The following WDFY3 variants were observed in gnomAD, a reference collection of about 807,000 sequenced individuals.
The protein encoded by WDFY3 is WD repeat and FYVE domain containing 3, also known as WD repeat and FYVE domain-containing protein 3.
Under a neutral mutation model 409.6 loss-of-function variants are expected in WDFY3, and 66 were observed. That is an observed-to-expected ratio of 0.16 (90% CI 0.13 to 0.20). WDFY3 has a LOEUF of 0.20. WDFY3 is among the 10% of genes least tolerant of loss of function. The pLI is 1.00. For synonymous variants in WDFY3, 1,521 were observed against 1,537.1 expected, an observed-to-expected ratio of 0.99 and a Z score of 0.25; for missense variants, 3,031 against 4,298.1, an observed-to-expected ratio of 0.71 and a Z score of 8.24.
At chr4:84,925,640 T>TG (rs1168983577) in intron 2 of WDFY3, among the ~76,000 whole-genome samples, 2 of 152,210 alleles carry the variant, frequency 1.3e-5, no homozygotes, top group African/African-American at 4.8e-5. Context: ...TGAGGACAAC[T>TG]GGAGAATTAA....
At chr4:84,774,749 C>A in intron 29 of WDFY3, 71 bp downstream of exon 29, 1 of 1,466,316 alleles carries the variant, frequency 6.8e-7, no homozygotes, top group Non-Finnish European at 9.2e-7. Flanking sequence ...CAATTAAATT[C>A]ATCTCATCCA....
chr4:84,900,163 A>C (rs952899978), intron 2 of WDFY3, among the ~76,000 whole-genome samples: 8 of 152,222 alleles, frequency 5.3e-5, no homozygotes, highest in Non-Finnish European at 7.4e-5. Context: ...GAAACAACCC[A>C]AATGTCCTTC....
intron 60 of WDFY3, among the ~76,000 whole-genome samples, chr4:84,691,332 C>A (rs1423996450): frequency 6.6e-6 from 1 of 152,072 alleles, no homozygotes; most frequent in East Asian, 1.9e-4. Flanking sequence ...GAGCTCCTTG[C>A]TGGCTAGGAT....
chr4:84,857,514 A>G (rs1437695025), intron 4 of WDFY3, among the ~76,000 whole-genome samples: 1 of 152,184 alleles, frequency 6.6e-6, no homozygotes, highest in East Asian at 1.9e-4. Flanking sequence ...ACTCCTCAGT[A>G]GCCAACAGCA....
In WDFY3 at chr4:84,929,686, G is replaced by C. The variant is rs77053037; in HGVS notation, c.-132+2584C>G. 4.7e-3 allele frequency among the ~76,000 whole-genome samples: 720 copies of C among 152,216 alleles called. 54 individuals are homozygous for C. The East Asian group carries it at 0.12, about 25-fold the overall frequency. On this transcript the variant is annotated intron_variant, in intron 2 of 67. Coordinates refer to ENST00000295888, the MANE Select transcript of WDFY3 (RefSeq NM_014991.6). ...GCACTTTGGGAGGCCAAGGCGGGTG[G>C]ATCACCTGAGGTCAGGAGTTCGAGA... is the stretch of plus-strand genomic sequence containing the variant.
chr4:84,782,180 T>A (rs971472463), intron 25 of WDFY3, among the ~76,000 whole-genome samples: 1 of 152,226 alleles, frequency 6.6e-6, no homozygotes. Flanking sequence ...GTGTTTATAC[T>A]CAGAAGCTCT....
At chr4:84,905,944 G>A (rs1766987808) in intron 2 of WDFY3, among the ~76,000 whole-genome samples, 1 of 152,098 alleles carries the variant, frequency 6.6e-6, no homozygotes, top group African/African-American at 2.4e-5. Context: ...CAATGTAGAA[G>A]TACCTCTGCC....
At chr4:84,683,849 C>T (rs1481077184) in intron 63 of WDFY3, 94 bp downstream of exon 63, 1 of 1,337,520 alleles carries the variant, frequency 7.5e-7, no homozygotes, top group African/African-American at 1.5e-5. Flanking sequence ...AACATTACAA[C>T]TTGTTCAGGT....
At chr4:84,784,494 T>C (rs997765234) in intron 24 of WDFY3, among the ~76,000 whole-genome samples, 2 of 152,008 alleles carry the variant, frequency 1.3e-5, no homozygotes, top group Non-Finnish European at 2.9e-5. Context: ...TCTCTCACCT[T>C]CCACACTCAT....
chr4:84,794,177 G>A (rs1578546938), intron 21 of WDFY3, among the ~76,000 whole-genome samples: 4 of 152,272 alleles, frequency 2.6e-5, no homozygotes, highest in Admixed American at 2.6e-4. Context: ...TGGCAGGCAG[G>A]TGCTCAATGA....
At chr4:84,898,258 G>A (rs1345761555) in intron 2 of WDFY3, among the ~76,000 whole-genome samples, 1 of 152,110 alleles carries the variant, frequency 6.6e-6, no homozygotes, top group Non-Finnish European at 1.5e-5. Flanking sequence ...TGCTGGCTTG[G>A]GGGTAAATGA....
chr4:84,841,620 C>T (rs1260010535), intron 5 of WDFY3, among the ~76,000 whole-genome samples: 1 of 152,114 alleles, frequency 6.6e-6, no homozygotes, highest in East Asian at 1.9e-4. Flanking sequence ...AGCAATAAAA[C>T]AAGAGTGGCT....
chr4:84,713,107 AT>A, intron 51 of WDFY3, 51 bp downstream of exon 51: 1 of 1,578,334 alleles, frequency 6.3e-7, no homozygotes, highest in South Asian at 1.1e-5. Flanking sequence ...CCAGATATGA[AT>A]CATCCCAACT....
rs191723338 is a variant in WDFY3, at chr4:84,829,200, T to C, written c.770-10A>G. ...GATAAACACTCTTTCTCTGTAAGAA[T>C]AGATAATTAAATAAATATGCATTAT... On this transcript the variant is annotated splice_polypyrimidine_tract_variant and intron_variant, in intron 8 of 67. Coordinates refer to ENST00000295888, the MANE Select transcript of WDFY3 (RefSeq NM_014991.6). 116 of 1,527,118 alleles carry C rather than the reference T, an allele frequency of 7.6e-5. No homozygotes were observed. In the African/African-American group the frequency reaches 1.2e-3, roughly 16 times the overall value. The allele number at this position is 1,527,118 out of a possible 1,614,324, so 94.6% of individuals were successfully genotyped here.
chr4:84,691,585 C>A lies in WDFY3; in HGVS notation c.9204+46G>T, dbSNP rs769835052. On this transcript the variant is annotated intron_variant, in intron 60 of 67. Transcript: ENST00000295888. ...CTATTAGTCATATAGGATAGCCAGA[C>A]CACAAAAGAGCAATATTAAATGAGT... 1.3e-5 allele frequency: 21 copies of A among 1,597,680 alleles called. No homozygotes were observed. The South Asian group carries it at 2.2e-4, about 17-fold the overall frequency.
At chr4:84,953,646 A>C (rs1360447705) in intron 1 of WDFY3, among the ~76,000 whole-genome samples, 1 of 152,130 alleles carries the variant, frequency 6.6e-6, no homozygotes, top group East Asian at 1.9e-4. Context: ...CAGGAGCAAG[A>C]GTAAGATTCT....
Position 84,709,063 on chromosome 4 carries a change from G to A in WDFY3, c.8098-35C>T, listed in dbSNP as rs200628709. 41 of 1,610,140 alleles carry A rather than the reference G, an allele frequency of 2.5e-5. No homozygotes were observed. In the African/African-American group the frequency reaches 4.0e-4, roughly 16 times the overall value. On this transcript the variant is annotated intron_variant, in intron 52 of 67. Coordinates refer to ENST00000295888, the MANE Select transcript of WDFY3 (RefSeq NM_014991.6). ...GATAAATATTCATTTTTGAGCTATC[G>A]ATTATTTCCACTATGTTCAGCTTTT...
chr4:84,742,858 T>C (rs1738695122), intron 37 of WDFY3, among the ~76,000 whole-genome samples: 1 of 152,306 alleles, frequency 6.6e-6, no homozygotes, highest in African/African-American at 2.4e-5. Context: ...AAGCCCTTCC[T>C]CCACAGAAAT....
rs562297844 is a variant in WDFY3, at chr4:84,682,341, C to T, written c.9823+33G>A. ...CAGTGACTTAAAAGAAATATGAAAA[C>T]GATTTGAGTCATTTTTAGAAAGTAT... is the stretch of plus-strand genomic sequence containing the variant. On this transcript the variant is annotated intron_variant, in intron 64 of 67. Coordinates refer to ENST00000295888, the MANE Select transcript of WDFY3 (RefSeq NM_014991.6). 46 of 1,581,046 alleles carry T rather than the reference C, an allele frequency of 2.9e-5. No individual in the cohort carries two copies. In the East Asian group the frequency reaches 3.1e-4, roughly 11 times the overall value.
Sources: gnomAD v4.1 joint callset for allele counts (sites outside exome capture counted in the v4.1 genomes callset) on GRCh38, gnomAD v4.1.1 for gene constraint, MANE v1.5 for transcripts, NCBI Gene and HGNC (gene_info 2026-07-23, HGNC 2026-07-21) for gene names.